OTOF: variants seen among roughly 807,000 people sequenced by gnomAD.
OTOF encodes otoferlin.
In OTOF, 218 loss-of-function variants were observed where a neutral mutation model predicts 236.8. The observed-to-expected ratio is 0.92, with a 90% CI of 0.82 to 1.03. OTOF has a LOEUF of 1.03. Among genes scored for constraint, OTOF ranks in the 50% least tolerant of loss-of-function variants. The probability of loss-of-function intolerance (pLI) is 0.00; values close to 1 mark genes in which losing one functional copy is unlikely to be tolerated. For synonymous variants in OTOF, 1,041 were observed against 1,072.5 expected, an observed-to-expected ratio of 0.97 and a Z score of 0.57; for missense variants, 2,590 against 2,694.4, an observed-to-expected ratio of 0.96 and a Z score of 0.86.
intron 11 of OTOF, among the ~76,000 whole-genome samples, chr2:26,486,996 C>A (rs1001184271): frequency 6.6e-6 from 1 of 152,186 alleles, no homozygotes; most frequent in Admixed American, 6.5e-5. Flanking sequence ...ATGCCCCTGA[C>A]TTCCTCTATG....
rs764555177 is a variant in OTOF, at chr2:26,502,402, T to G, written c.608A>C (p.Glu203Ala). The G allele has an allele frequency of 1.2e-6, 2 of 1,613,686 alleles. No individual in the cohort carries two copies. The highest frequency in any genetic ancestry group is 2.2e-5 in the South Asian group (2 of 91,016). The change falls in exon 7 of 47, where the codon GAA becomes GCA. Residue 203 changes from glutamate (E) to alanine (A), a missense_variant. Physicochemically the swap from Glu to Ala is moderately radical, Grantham distance 107. Around this residue, in one of 2 missense-constraint regions of OTOF, gnomAD observed 1,379 missense variants for 1,341.6 expected, o/e 1.03. Coordinates refer to ENST00000272371, the MANE Select transcript of OTOF (RefSeq NM_194248.3). ...RPDEPAVLEM[E>A]DLDHLAIRLG... ...CCGAATGGCCAGATGGTCAAGGTCT[T>G]CCATCTCCAGCACCGCCGGTTCATC... is the stretch of plus-strand genomic sequence containing the variant.
Position 26,472,499 on chromosome 2 carries a change from G to A in OTOF, c.3864+20C>T, listed in dbSNP as rs1048886045. 1 of 1,613,130 alleles carries A rather than the reference G, an allele frequency of 6.2e-7. No homozygotes were observed. Among genetic ancestry groups the A allele is most frequent in the Non-Finnish European group, 8.5e-7 (1 of 1,179,946 alleles). ...GTTGCATGTTCCCAGCCAGCAGGGG[G>A]CTGACCCCACCCGCCTTACCGCGTC... is the stretch of plus-strand genomic sequence containing the variant. On this transcript the variant is annotated intron_variant, in intron 30 of 46. Transcript: ENST00000272371.
chr2:26,542,395 C>T lies in OTOF; in HGVS notation c.80-4621G>A, dbSNP rs1667231347. Reference sequence around the variant, plus strand: ...GAACGATGCCTTTAAGAGCGTATTACAATCCAGAGGGAGATATATCAGACA... The same window carrying T: ...GAACGATGCCTTTAAGAGCGTATTATAATCCAGAGGGAGATATATCAGACA... On this transcript the variant is annotated intron_variant, in intron 1 of 46. Transcript: ENST00000272371. 2.6e-5 allele frequency among the ~76,000 whole-genome samples: 4 copies of T among 152,186 alleles called. No individual in the cohort carries two copies. In the South Asian group the frequency reaches 8.3e-4, roughly 32 times the overall value.
chr2:26,501,913 A>G (rs1666124176), intron 7 of OTOF, 105 bp from the exon 8 acceptor site: 4 of 842,214 alleles, frequency 4.7e-6, no homozygotes, highest in South Asian at 2.7e-5. Flanking sequence ...GGACAGAATC[A>G]TGGTCTTTAA....
chr2:26,467,126 C>T lies in OTOF; in HGVS notation c.4335G>A (p.Glu1445=). Residue 1445 remains glutamate (E), a synonymous_variant, in exon 35 of 47, where the codon GAG becomes GAA. Coordinates refer to ENST00000272371, the MANE Select transcript of OTOF (RefSeq NM_194248.3). ...TGAAGCGTCCCACAATGCGCTCCTC[C>T]TCGGTGGAGCCATCCTCATCATCCC... is the stretch of plus-strand genomic sequence containing the variant. The part of the protein sequence containing the change: ...KTGDDEDGST[E]EERIVGRFKG... 1 of 1,613,934 alleles carries T rather than the reference C, an allele frequency of 6.2e-7. No individual in the cohort carries two copies.
In OTOF at chr2:26,457,989, T is replaced by C; in HGVS notation, c.*249A>G. 1 of 1,563,666 alleles carries C rather than the reference T, an allele frequency of 6.4e-7. No individual in the cohort carries two copies. Among genetic ancestry groups the C allele is most frequent in the South Asian group, 1.2e-5 (1 of 85,956 alleles). ...GGAGATGGGAAAGAGTCCAAGCCACTGAAAGGAAATGCGGCAGGGCTGGGG... is the reference window on the plus strand; with the variant it reads ...GGAGATGGGAAAGAGTCCAAGCCACCGAAAGGAAATGCGGCAGGGCTGGGG... On this transcript the variant is annotated 3_prime_UTR_variant, in exon 47 of 47. Transcript: ENST00000272371. The surrounding 1 kb of genome is among the most constrained non-coding windows in gnomAD (Gnocchi z 4.4).
At chr2:26,519,908 C>G (rs1472441261) in intron 3 of OTOF, among the ~76,000 whole-genome samples, 2 of 152,356 alleles carry the variant, frequency 1.3e-5, no homozygotes, top group Non-Finnish European at 2.9e-5. Context: ...GATTCATGTA[C>G]TGCCTCTAAA....
In OTOF at chr2:26,458,190, G is replaced by A; in HGVS notation, c.*48C>T. The A allele has an allele frequency of 6.2e-7, 1 of 1,609,848 alleles. No individual in the cohort carries two copies. Among genetic ancestry groups the A allele is most frequent in the Non-Finnish European group, 8.5e-7 (1 of 1,177,940 alleles). Reference sequence around the variant, plus strand: ...GGTACTTGATGGACTTGAGAGGGTTGAGGAACCAGACGAAGGCCGTGTCGG... The same window carrying A: ...GGTACTTGATGGACTTGAGAGGGTTAAGGAACCAGACGAAGGCCGTGTCGG... On this transcript the variant is annotated 3_prime_UTR_variant, in exon 47 of 47. Transcript: ENST00000272371.
At chr2:26,501,393 A>G (rs999704930) in intron 8 of OTOF, among the ~76,000 whole-genome samples, 15 of 152,244 alleles carry the variant, frequency 9.9e-5, no homozygotes, top group African/African-American at 3.1e-4. Context: ...CATGCCAGGA[A>G]AACTTTCTTC....
At chr2:26,463,367 G>A in intron 41 of OTOF, 116 bp downstream of exon 41, 1 of 836,296 alleles carries the variant, frequency 1.2e-6, no homozygotes, top group Non-Finnish European at 2.0e-6. Flanking sequence ...AGGCCCCAGG[G>A]ATGCCAACTG....
Position 26,462,081 on chromosome 2 carries a change from A to AC in OTOF, c.5291+1dup, listed in dbSNP as rs749291785. 7.9e-7 allele frequency: 1 copy of AC among 1,264,222 alleles called. No individual in the cohort carries two copies. Among genetic ancestry groups the AC allele is most frequent in the Admixed American group, 1.8e-5 (1 of 54,332 alleles). The allele number at this position is 1,264,222 out of a possible 1,614,324, so 78.3% of individuals were successfully genotyped here. A position where few individuals can be genotyped will look rare whatever the true frequency, so the allele number is the denominator to read the frequency against. ...CCTCCCATGCAGGGACTGCTCACCC[A>AC]CCCCCTCACGAAGATGTCACTGGAC... On this transcript the variant is annotated splice_donor_variant, in intron 42 of 46. Transcript: ENST00000272371. LOFTEE classifies it high-confidence loss of function. This position sits in a 1 kb window ranked among gnomAD's most constrained non-coding sequence, Gnocchi z 4.7.
At chr2:26,529,796 C>T (rs775385509) in intron 2 of OTOF, among the ~76,000 whole-genome samples, 14 of 93,072 alleles carry the variant, frequency 1.5e-4, no homozygotes, top group African/African-American at 2.1e-4. Flanking sequence ...GAGGGGTCTG[C>T]GGGGTGGGGT....
At chr2:26,489,475 G>C (rs1001109075) in intron 10 of OTOF, among the ~76,000 whole-genome samples, 180 bp from the exon 11 acceptor site, 2 of 152,204 alleles carry the variant, frequency 1.3e-5, no homozygotes, top group Non-Finnish European at 1.5e-5. Flanking sequence ...CACTGTTTAC[G>C]GGCGAATGCA....
At position 26,461,683 on chromosome 2, in the gene OTOF, C is replaced by T. The variant is rs1558466117; in HGVS notation, c.5533+13G>A. ...TCTGGATCCTGAACCCCCATCCCTG[C>T]CCTGCTCTGCACCCAGGAAGTCGTC... On this transcript the variant is annotated intron_variant, in intron 43 of 46. Coordinates refer to ENST00000272371, the MANE Select transcript of OTOF (RefSeq NM_194248.3). The surrounding 1 kb of genome is among the most constrained non-coding windows in gnomAD (Gnocchi z 6.2). The T allele has an allele frequency of 1.2e-6, 2 of 1,613,588 alleles. No individual in the cohort carries two copies. Among genetic ancestry groups the T allele is most frequent in the Non-Finnish European group, 1.7e-6 (2 of 1,180,012 alleles).
Position 26,537,768 on chromosome 2 carries a change from G to A in OTOF, c.86C>T (p.Ser29Phe), listed in dbSNP as rs1310213812. 1.3e-6 allele frequency: 2 copies of A among 1,553,578 alleles called. No individual in the cohort carries two copies. Among genetic ancestry groups the A allele is most frequent in the Admixed American group, 1.9e-5 (1 of 51,552 alleles). The change falls in exon 2 of 47, where the codon TCC becomes TTC. Residue 29 changes from serine to phenylalanine, a missense_variant. Around this residue, in one of 2 missense-constraint regions of OTOF, gnomAD observed 1,379 missense variants for 1,341.6 expected, o/e 1.03. Coordinates refer to ENST00000272371, the MANE Select transcript of OTOF (RefSeq NM_194248.3). ...GTTCTCCAGGACCCGAGAGTAGAAG[G>A]ATTGCCCTGTGGGGAAAGAGGAAAT... ...RIAKVTFRGQ[S>F]FYSRVLENCE...
chr2:26,548,131 C>T (rs1344176750), intron 1 of OTOF, among the ~76,000 whole-genome samples: 6 of 151,968 alleles, frequency 3.9e-5, no homozygotes, highest in Admixed American at 1.3e-4. Flanking sequence ...CTCTTTTATT[C>T]CTGATATTGG....
intron 1 of OTOF, among the ~76,000 whole-genome samples, chr2:26,557,707 C>T (rs893603630): frequency 6.6e-6 from 1 of 151,856 alleles, no homozygotes; most frequent in African/African-American, 2.4e-5. Context: ...GTTACTTCCT[C>T]CGGGAAGCCT....
chr2:26,547,235 T>C (rs1667355276), intron 1 of OTOF, among the ~76,000 whole-genome samples: 1 of 152,366 alleles, frequency 6.6e-6, no homozygotes, highest in Non-Finnish European at 1.5e-5. Flanking sequence ...GATATAATCA[T>C]GAATTTTTTC....
At chr2:26,533,390 T>G (rs2148118572) in intron 2 of OTOF, among the ~76,000 whole-genome samples, 1 of 152,284 alleles carries the variant, frequency 6.6e-6, no homozygotes, top group East Asian at 1.9e-4. Context: ...TGTGGCTATT[T>G]CACTTTCCCA....
Sources: allele counts gnomAD v4.1 joint callset (sites outside exome capture counted in the v4.1 genomes callset), GRCh38; gene constraint gnomAD v4.1.1; regional missense constraint gnomAD v4.1.1; non-coding constraint Gnocchi (gnomAD v3.1); transcripts MANE v1.5; gene names NCBI Gene and HGNC (gene_info 2026-07-23, HGNC 2026-07-21).